Variants in PRUNE2 observed in about 807,000 individuals in gnomAD.
The protein encoded by PRUNE2 is protein prune homolog 2.
In PRUNE2, 164 loss-of-function variants were observed where a neutral mutation model predicts 252.0. The ratio of observed to expected loss-of-function variants is 0.65; its 90% confidence interval spans 0.57 to 0.74. The LOEUF is 0.74. Ranked by LOEUF, PRUNE2 falls within the 30% of genes least tolerant of loss-of-function variation. PRUNE2 has a pLI of 0.00. For synonymous variants in PRUNE2, 1,292 were observed against 1,350.2 expected, an observed-to-expected ratio of 0.96 and a Z score of 0.94; for missense variants, 3,495 against 3,711.0, an observed-to-expected ratio of 0.94 and a Z score of 1.51.
intron 6 of PRUNE2, among the ~76,000 whole-genome samples, chr9:76,745,248 C>T (rs2049997150): frequency 6.6e-6 from 1 of 152,214 alleles, no homozygotes; most frequent in Admixed American, 6.5e-5. Context: ...ATAATAACAG[C>T]CCTTCCCTAA....
chr9:76,783,117 G>C (rs549251342), intron 6 of PRUNE2, among the ~76,000 whole-genome samples: 5 of 152,208 alleles, frequency 3.3e-5, no homozygotes, highest in African/African-American at 9.6e-5. Context: ...AACATCAGTT[G>C]TATCTGACTA....
In PRUNE2 at chr9:76,741,823, C is replaced by T. The variant is rs140739325; in HGVS notation, c.757-28102G>A. On this transcript the variant is annotated intron_variant, in intron 6 of 18. Transcript: ENST00000376718. ...TGCCTCCTTGCAACACATTTTCCTA[C>T]GTTCTCTACTAAATCTGCCTTTCTC... is the stretch of plus-strand genomic sequence containing the variant. 7.6e-3 allele frequency among the ~76,000 whole-genome samples: 1,151 copies of T among 152,288 alleles called. 16 individuals are homozygous for T. The highest frequency in any genetic ancestry group is 0.027 in the African/African-American group (1,113 of 41,546).
intron 6 of PRUNE2, among the ~76,000 whole-genome samples, chr9:76,747,280 A>G (rs1302856375): frequency 6.6e-6 from 1 of 152,204 alleles, no homozygotes; most frequent in Non-Finnish European, 1.5e-5. Context: ...CCCTCCCATT[A>G]AAAGAAAATT....
At chr9:76,796,031 T>A (rs2056066458) in intron 6 of PRUNE2, among the ~76,000 whole-genome samples, 2 of 152,220 alleles carry the variant, frequency 1.3e-5, no homozygotes, top group African/African-American at 4.8e-5. Context: ...ACTTCACAGG[T>A]GCCTCATTTC....
intron 6 of PRUNE2, among the ~76,000 whole-genome samples, chr9:76,774,626 T>C (rs2053543528): frequency 6.6e-6 from 1 of 151,864 alleles, no homozygotes; most frequent in Non-Finnish European, 1.5e-5. Context: ...GCCCAGCTAA[T>C]TTTTGTGCTT....
intron 12 of PRUNE2, among the ~76,000 whole-genome samples, chr9:76,641,268 A>G (rs184518261): frequency 1.9e-4 from 29 of 152,220 alleles, no homozygotes; most frequent in African/African-American, 7.0e-4. Flanking sequence ...TAAGAAGGGA[A>G]GAAGAGGCAA....
At chr9:76,752,092 T>TG (rs11401509) in intron 6 of PRUNE2, among the ~76,000 whole-genome samples, 2 of 149,834 alleles carry the variant, frequency 1.3e-5, no homozygotes, top group Non-Finnish European at 3.0e-5. Flanking sequence ...CCTGTTTTTT[T>TG]TTTGGTTTTT....
chr9:76,711,300 C>T lies in PRUNE2; in HGVS notation c.974G>A (p.Cys325Tyr). ...NPCLELEPFD[C>Y]GCDEILVYQQ... Reference sequence around the variant, plus strand: ...GTACACCAGGATCTCATCACAGCCACAGTCAAAGGGCTCCAGTTCTAGGCA... The same window carrying T: ...GTACACCAGGATCTCATCACAGCCATAGTCAAAGGGCTCCAGTTCTAGGCA... Residue 325 changes from cysteine (C) to tyrosine (Y), a missense_variant, in exon 8 of 19, where the codon TGT (cysteine) becomes TAT (tyrosine). Cys to Tyr is a radical substitution (Grantham distance 194, BLOSUM62 -2). Transcript: ENST00000376718. 4 of 1,613,868 alleles carry T rather than the reference C, an allele frequency of 2.5e-6. No homozygotes were observed. Among genetic ancestry groups the T allele is most frequent in the Non-Finnish European group, 3.4e-6 (4 of 1,179,860 alleles).
intron 9 of PRUNE2, among the ~76,000 whole-genome samples, chr9:76,674,594 C>A (rs1461421814): frequency 6.7e-6 from 1 of 149,884 alleles, no homozygotes; most frequent in African/African-American, 2.4e-5. Flanking sequence ...AAAAAAGAGC[C>A]CGCATCGCCA....
chr9:76,820,340 A>G (rs1042599073), intron 6 of PRUNE2, among the ~76,000 whole-genome samples: 2 of 152,266 alleles, frequency 1.3e-5, no homozygotes, highest in African/African-American at 2.4e-5. Flanking sequence ...ACTACAATAA[A>G]AATGAGAGAC....
chr9:76,877,608 A>G (rs147289229), intron 1 of PRUNE2, among the ~76,000 whole-genome samples: 232 of 152,266 alleles, frequency 1.5e-3, no homozygotes, highest in Non-Finnish European at 2.7e-3. Flanking sequence ...CAATCAGACT[A>G]CCCAAAAGTG....
chr9:76,807,363 A>G (rs962473297), intron 6 of PRUNE2, among the ~76,000 whole-genome samples: 1 of 152,086 alleles, frequency 6.6e-6, no homozygotes, highest in African/African-American at 2.4e-5. Context: ...ATGAGCCACA[A>G]TGCCTGGCCT....
chr9:76,834,369 T>G (rs968605473), intron 4 of PRUNE2, among the ~76,000 whole-genome samples: 1 of 152,200 alleles, frequency 6.6e-6, no homozygotes, highest in Non-Finnish European at 1.5e-5. Flanking sequence ...GAACTCAGGA[T>G]AGTCAGTAAA....
chr9:76,720,471 G>A (rs1040680224), intron 6 of PRUNE2, among the ~76,000 whole-genome samples: 9 of 152,180 alleles, frequency 5.9e-5, no homozygotes, highest in African/African-American at 2.2e-4. Context: ...ATTTTCATGA[G>A]CCTTAGTTTC....
intron 13 of PRUNE2, 48 bp from the exon 14 acceptor site, chr9:76,637,597 G>T: frequency 6.4e-7 from 1 of 1,555,836 alleles, no homozygotes; most frequent in South Asian, 1.2e-5. Flanking sequence ...ACATCCTATT[G>T]ACACCATAAT....
intron 1 of PRUNE2, among the ~76,000 whole-genome samples, chr9:76,864,668 T>C (rs1422392365): frequency 6.6e-6 from 1 of 152,046 alleles, no homozygotes; most frequent in African/African-American, 2.4e-5. Context: ...ACACAAAGGG[T>C]TCCTATATAT....
intron 1 of PRUNE2, among the ~76,000 whole-genome samples, chr9:76,873,768 G>A (rs946004616): frequency 2.6e-5 from 4 of 152,152 alleles, no homozygotes; most frequent in Non-Finnish European, 5.9e-5. Context: ...AATATCGATG[G>A]CATTTAACAC....
intron 6 of PRUNE2, among the ~76,000 whole-genome samples, 163 bp from the exon 7 acceptor site, chr9:76,713,884 A>G (rs1433016975): frequency 2.0e-5 from 3 of 152,188 alleles, no homozygotes; most frequent in African/African-American, 7.2e-5. Flanking sequence ...CTTTCATGCT[A>G]TGGCTTAAAA....
At chr9:76,763,858 G>A (rs1197505235) in intron 6 of PRUNE2, among the ~76,000 whole-genome samples, 1 of 152,114 alleles carries the variant, frequency 6.6e-6, no homozygotes. Flanking sequence ...GTGCCCATGA[G>A]TCAATAAATA....
Sources: allele counts gnomAD v4.1 joint callset (sites outside exome capture counted in the v4.1 genomes callset), GRCh38; gene constraint gnomAD v4.1.1; transcripts MANE v1.5; gene names NCBI Gene and HGNC (gene_info 2026-07-23, HGNC 2026-07-21).